The following RNF150 variants were observed in gnomAD, a reference collection of about 807,000 sequenced individuals.
RNF150 encodes the protein ring finger protein 150.
RNF150 carries 24 observed loss-of-function variants against 39.3 expected under a neutral mutation model. That is an observed-to-expected ratio of 0.61 (90% CI 0.44 to 0.86). The LOEUF is 0.86. Ranked by LOEUF, RNF150 falls within the 40% of genes least tolerant of loss-of-function variation. The pLI is 0.00. For synonymous variants in RNF150, 255 were observed against 227.3 expected, an observed-to-expected ratio of 1.12 and a Z score of -1.10; for missense variants, 502 against 587.8, an observed-to-expected ratio of 0.85 and a Z score of 1.51.
Position 140,957,022 on chromosome 4 carries a change from A to G in RNF150, c.736-7650T>C, listed in dbSNP as rs560624295. ...AAGGACTTCATGTCTAAAACACCAA[A>G]AGCAATGGCAACAAAAGCCAAAATT... On this transcript the variant is annotated intron_variant, in intron 2 of 6. Coordinates refer to ENST00000515673, the MANE Select transcript of RNF150 (RefSeq NM_020724.2). Among the ~76,000 whole-genome samples the G allele has an allele frequency of 5.4e-4, 81 of 149,666 alleles. 2 individuals are homozygous for G. The South Asian group carries it at 0.017, about 31-fold the overall frequency.
chr4:141,167,475 C>G (rs1727624711), intron 1 of RNF150, among the ~76,000 whole-genome samples: 1 of 152,032 alleles, frequency 6.6e-6, no homozygotes. Flanking sequence ...CAAAAGGAGC[C>G]CATATAGCCA....
At position 141,133,245 on chromosome 4, in the gene RNF150, G is replaced by A. The variant is rs999185092; in HGVS notation, c.-437C>T. On this transcript the variant is annotated 5_prime_UTR_variant, in exon 1 of 7. Transcript: ENST00000515673. Reference sequence around the variant, plus strand: ...GTAGTCTGGGGTGCTGCGGTGCGGGGTGCTGCCCAGGGTGTCCCGGCCGCC... The same window carrying A: ...GTAGTCTGGGGTGCTGCGGTGCGGGATGCTGCCCAGGGTGTCCCGGCCGCC... 4.9e-6 allele frequency: 1 copy of A among 202,774 alleles called. No homozygotes were observed. The highest frequency in any genetic ancestry group is 2.4e-5 in the African/African-American group (1 of 41,716). The allele number at this position is 202,774 out of a possible 1,614,324, so 12.6% of individuals were successfully genotyped here. A position where few individuals can be genotyped will look rare whatever the true frequency, so the allele number is the denominator to read the frequency against.
chr4:141,113,911 G>C (rs1022082512), intron 1 of RNF150, among the ~76,000 whole-genome samples: 2 of 152,126 alleles, frequency 1.3e-5, no homozygotes, highest in Non-Finnish European at 2.9e-5. Context: ...ACCTTCTCCT[G>C]AATGACTACT....
intron 1 of RNF150, among the ~76,000 whole-genome samples, chr4:141,062,837 C>T (rs888742949): frequency 2.0e-5 from 3 of 152,126 alleles, no homozygotes; most frequent in Non-Finnish European, 4.4e-5. Context: ...TCCCTTTCTC[C>T]GCCCTCTAGT....
rs145446419 is a variant in RNF150, at chr4:141,032,501, C to T, written c.485-64628G>A. 3.1e-4 allele frequency among the ~76,000 whole-genome samples: 47 copies of T among 152,106 alleles called. No individual in the cohort carries two copies. In the East Asian group the frequency reaches 8.9e-3, roughly 29 times the overall value. On this transcript the variant is annotated intron_variant, in intron 1 of 6. Transcript: ENST00000515673. ...ACTAAGTGAGGTGATGAATATGTTA[C>T]CTCTGTGGCTGTGGTAATCATTCCA...
intron 1 of RNF150, among the ~76,000 whole-genome samples, chr4:141,066,556 A>G (rs1364111419): frequency 6.6e-6 from 1 of 152,232 alleles, no homozygotes; most frequent in Non-Finnish European, 1.5e-5. Context: ...AATAATATAC[A>G]TGTTCTACAA....
At chr4:141,022,127 T>C (rs927869040) in intron 1 of RNF150, among the ~76,000 whole-genome samples, 1 of 152,182 alleles carries the variant, frequency 6.6e-6, no homozygotes, top group African/African-American at 2.4e-5. Flanking sequence ...AAGAAAGGCC[T>C]CTTTACACAA....
chr4:140,967,950 A>C, intron 1 of RNF150, 77 bp from the exon 2 acceptor site: 4 of 1,319,806 alleles, frequency 3.0e-6, no homozygotes, highest in Non-Finnish European at 4.3e-6. Flanking sequence ...ATGTGTGGAC[A>C]CAGTAACACG....
chr4:141,158,392 A>C (rs1727453210), intron 1 of RNF150, among the ~76,000 whole-genome samples: 1 of 152,130 alleles, frequency 6.6e-6, no homozygotes, highest in South Asian at 2.1e-4. Context: ...TTGAGAAAAT[A>C]TAAAGTACTA....
chr4:140,950,920 C>T (rs1397068688), intron 2 of RNF150, among the ~76,000 whole-genome samples: 1 of 152,104 alleles, frequency 6.6e-6, no homozygotes, highest in Non-Finnish European at 1.5e-5. Flanking sequence ...TGCAGAAGTC[C>T]ATGAGTAGCT....
At position 140,910,027 on chromosome 4, in the gene RNF150, T is replaced by G. The variant is rs373053739; in HGVS notation, c.1198+1117A>C. On this transcript the variant is annotated intron_variant, in intron 6 of 6. Transcript: ENST00000515673. ...AACCAAAAGGTTAAGAGTGATTGTT[T>G]CCAAGTAGTGGGGCCCTCAGTGATT... Among the ~76,000 whole-genome samples, 25 of 152,340 alleles carry G rather than the reference T, an allele frequency of 1.6e-4. 1 individual carries two copies. In the East Asian group the frequency reaches 3.1e-3, roughly 19 times the overall value.
chr4:140,989,987 TA>T (rs57002537), intron 1 of RNF150, among the ~76,000 whole-genome samples: 74 of 148,586 alleles, frequency 5.0e-4, no homozygotes, highest in South Asian at 3.6e-3. Context: ...TAACCAAAAT[TA>T]AAAAAAAAAA....
At chr4:140,951,560 T>C (rs1169293619) in intron 2 of RNF150, among the ~76,000 whole-genome samples, 71 of 149,836 alleles carry the variant, frequency 4.7e-4, no homozygotes, top group African/African-American at 1.7e-3. Flanking sequence ...TGTTTTTTTT[T>C]TTTTTTGCAA....
chr4:141,136,873 T>A (rs868579360), upstream of RNF150, among the ~76,000 whole-genome samples: 52 of 152,348 alleles, frequency 3.4e-4, no homozygotes, highest in African/African-American at 1.2e-3. Flanking sequence ...ATAAGGTATT[T>A]TCTGTCAGGG....
At chr4:140,957,278 C>T (rs1458389945) in intron 2 of RNF150, among the ~76,000 whole-genome samples, 1 of 152,102 alleles carries the variant, frequency 6.6e-6, no homozygotes, top group Non-Finnish European at 1.5e-5. Flanking sequence ...GACATTTATG[C>T]AGCCAAAAAA....
At position 140,860,280 on chromosome 4, in the gene RNF150, C is replaced by T. The variant is rs550480796; in HGVS notation, c.*7981G>A. On this transcript the variant is annotated 3_prime_UTR_variant, in exon 7 of 7. Coordinates refer to ENST00000515673, the MANE Select transcript of RNF150 (RefSeq NM_020724.2). ...AAACTACACTGCCTTAACTAATCAT[C>T]TCAATATGCACACAACTTTGTACAG... The T allele has an allele frequency of 2.0e-5, 3 of 152,152 alleles. No homozygotes were observed. The highest frequency in any genetic ancestry group is 4.1e-4 in the South Asian group (2 of 4,822). The allele number at this position is 152,152 out of a possible 1,614,324, so 9.4% of individuals were successfully genotyped here. A position where few individuals can be genotyped will look rare whatever the true frequency, so the allele number is the denominator to read the frequency against.
chr4:141,087,937 A>G (rs1488683661), intron 1 of RNF150, among the ~76,000 whole-genome samples: 4 of 152,164 alleles, frequency 2.6e-5, no homozygotes, highest in African/African-American at 9.7e-5. Context: ...GTGGCGGGCA[A>G]TGTCCCTTCA....
At chr4:141,059,595 A>C (rs1040609407) in intron 1 of RNF150, among the ~76,000 whole-genome samples, 13 of 152,040 alleles carry the variant, frequency 8.6e-5, no homozygotes, top group African/African-American at 3.1e-4. Context: ...AACATTAAAA[A>C]CCTTGTATTG....
At chr4:141,182,941 C>T (rs185458747) in intron 1 of RNF150, among the ~76,000 whole-genome samples, 53 of 151,674 alleles carry the variant, frequency 3.5e-4, no homozygotes, top group Admixed American at 3.4e-3. Context: ...TACTACAAGG[C>T]TACAGTAACC....
Sources: allele counts gnomAD v4.1 joint callset (sites outside exome capture counted in the v4.1 genomes callset), GRCh38; gene constraint gnomAD v4.1.1; transcripts MANE v1.5; gene names NCBI Gene and HGNC (gene_info 2026-07-23, HGNC 2026-07-21).